The following ARK2N variants were observed in gnomAD, a reference collection of about 807,000 sequenced individuals.
ARK2N encodes protein ARK2N.
the ARK2N span, among the ~76,000 whole-genome samples, chr18:46,198,137 A>G: frequency 6.6e-5 from 10 of 151,932 alleles, no homozygotes; most frequent in Admixed American, 2.0e-4. Context: ...CACTGTCTCT[A>G]CTAAAAATAC....
At chr18:46,185,919 G>A in the ARK2N span, among the ~76,000 whole-genome samples, 1 of 152,148 alleles carries the variant, frequency 6.6e-6, no homozygotes, top group Admixed American at 6.6e-5. Flanking sequence ...CCCAGGAGGT[G>A]GAGGTTTCTG....
At chr18:46,195,496 G>C in the ARK2N span, among the ~76,000 whole-genome samples, 1 of 146,614 alleles carries the variant, frequency 6.8e-6, no homozygotes, top group Non-Finnish European at 1.5e-5. Context: ...CAGTCCTCCT[G>C]CCTTGGCCTC....
At chr18:46,188,401 A>C in the ARK2N span, among the ~76,000 whole-genome samples, 2 of 152,128 alleles carry the variant, frequency 1.3e-5, no homozygotes, top group African/African-American at 4.8e-5. Context: ...GGGTTTCACC[A>C]TGTTGGCCAG....
chr18:46,265,642 T>A, the ARK2N span: 7 of 152,360 alleles, frequency 4.6e-5, no homozygotes, highest in African/African-American at 1.7e-4. Flanking sequence ...TTGGGTCATT[T>A]CCCCTAATAA....
the ARK2N span, among the ~76,000 whole-genome samples, chr18:46,258,804 ATTTTT>A: frequency 4.0e-5 from 6 of 151,322 alleles, no homozygotes; most frequent in African/African-American, 1.2e-4. Context: ...ACATGAAACT[ATTTTT>A]TTTTATGTTG....
the ARK2N span, chr18:46,240,141 T>C: frequency 3.7e-6 from 6 of 1,614,094 alleles, no homozygotes; most frequent in Non-Finnish European, 2.5e-6. Context: ...ACACAGGAGC[T>C]ACCTGGAGGA....
the ARK2N span, among the ~76,000 whole-genome samples, chr18:46,249,861 T>C: frequency 3.3e-5 from 5 of 151,670 alleles, no homozygotes; most frequent in Non-Finnish European, 5.9e-5. Flanking sequence ...ATTGGCTTTC[T>C]CCCAGGCTGG....
At chr18:46,195,214 T>G in the ARK2N span, among the ~76,000 whole-genome samples, 2 of 152,072 alleles carry the variant, frequency 1.3e-5, no homozygotes, top group African/African-American at 4.8e-5. Context: ...CCATTTGTTT[T>G]TGGTTATGCT....
chr18:46,247,759 C>T, the ARK2N span, among the ~76,000 whole-genome samples: 1 of 152,156 alleles, frequency 6.6e-6, no homozygotes, highest in African/African-American at 2.4e-5. Flanking sequence ...GCAATCTCGG[C>T]CTCCTGGATT....
At chr18:46,239,934 C>T in the ARK2N span, 10 of 1,408,016 alleles carry the variant, frequency 7.1e-6, no homozygotes, top group South Asian at 1.2e-5. Context: ...CATTAGAGGG[C>T]TCTTACTAGT....
At chr18:46,198,209 G>A in the ARK2N span, among the ~76,000 whole-genome samples, 5 of 149,060 alleles carry the variant, frequency 3.4e-5, no homozygotes, top group African/African-American at 1.2e-4. Context: ...GCTGAGGCAC[G>A]AGAATCACAG....
At chr18:46,245,778 G>C in the ARK2N span, among the ~76,000 whole-genome samples, 10 of 152,042 alleles carry the variant, frequency 6.6e-5, no homozygotes, top group African/African-American at 2.4e-4. Flanking sequence ...AAAGTAGCTG[G>C]ATTATTTCCT....
the ARK2N span, among the ~76,000 whole-genome samples, chr18:46,184,414 G>T: frequency 6.6e-6 from 1 of 151,908 alleles, no homozygotes. Flanking sequence ...GAGCTACTGC[G>T]CCCGGCCTCG....
At chr18:46,220,140 C>A in the ARK2N span, among the ~76,000 whole-genome samples, 1 of 152,044 alleles carries the variant, frequency 6.6e-6, no homozygotes, top group Admixed American at 6.6e-5. Flanking sequence ...TTATTCACAC[C>A]GAAGTTCCAA....
the ARK2N span, among the ~76,000 whole-genome samples, chr18:46,251,802 G>GT: frequency 6.6e-6 from 1 of 152,172 alleles, no homozygotes; most frequent in South Asian, 2.1e-4. Flanking sequence ...TTAGGGATGG[G>GT]TTTACAGGGT....
At chr18:46,200,316 G>C in the ARK2N span, among the ~76,000 whole-genome samples, 1 of 150,182 alleles carries the variant, frequency 6.7e-6, no homozygotes, top group African/African-American at 2.5e-5. Context: ...TTGTTCGTTT[G>C]TTTTTTTTTA....
chr18:46,211,722 G>A, the ARK2N span, among the ~76,000 whole-genome samples: 124 of 152,232 alleles, frequency 8.1e-4, no homozygotes, highest in African/African-American at 2.9e-3. Context: ...AGGAGGTTGC[G>A]TTTAGATTGG....
chr18:46,259,243 C>CTTTTTTTT, the ARK2N span, among the ~76,000 whole-genome samples: 10 of 136,660 alleles, frequency 7.3e-5, no homozygotes, highest in Non-Finnish European at 6.4e-5. Context: ...TTCTTTCTTT[C>CTTTTTTTT]TTTTTTTTTT....
At chr18:46,201,206 C>T in the ARK2N span, among the ~76,000 whole-genome samples, 1 of 152,050 alleles carries the variant, frequency 6.6e-6, no homozygotes. Context: ...TGGTCTTGAA[C>T]TCTTGAGCTC....
Sources: gnomAD v4.1 joint callset for allele counts (sites outside exome capture counted in the v4.1 genomes callset) on GRCh38, gnomAD v4.1.1 for gene constraint, MANE v1.5 for transcripts, NCBI Gene and HGNC (gene_info 2026-07-23, HGNC 2026-07-21) for gene names.